Variants in RAG1 observed in about 807,000 individuals in gnomAD.
RAG1 encodes recombination activating 1.
A neutral mutation model predicts 62.7 loss-of-function variants in RAG1; 35 were observed. That is an observed-to-expected ratio of 0.56 (90% CI 0.43 to 0.74). The LOEUF is 0.74. RAG1 is among the 30% of genes least tolerant of loss of function. RAG1 has a pLI of 0.00. For synonymous variants in RAG1, 461 were observed against 470.3 expected, an observed-to-expected ratio of 0.98 and a Z score of 0.26; for missense variants, 1,169 against 1,278.6, an observed-to-expected ratio of 0.91 and a Z score of 1.31.
intron 1 of RAG1, among the ~76,000 whole-genome samples, chr11:36,571,927 C>A (rs1329574536): frequency 6.6e-6 from 1 of 152,052 alleles, no homozygotes; most frequent in African/African-American, 2.4e-5. Context: ...CCCCAAAACA[C>A]CAATTTCTGA....
upstream of RAG1, among the ~76,000 whole-genome samples, chr11:36,566,880 G>A (rs1186587681): frequency 2.6e-5 from 4 of 152,186 alleles, no homozygotes; most frequent in South Asian, 2.1e-4. Flanking sequence ...TAAGAGGAGC[G>A]TCGAATGAGG....
chr11:36,514,637 G>A (rs1380251962), intron 1 of RAG1, among the ~76,000 whole-genome samples: 1 of 152,220 alleles, frequency 6.6e-6, no homozygotes, highest in Non-Finnish European at 1.5e-5. Flanking sequence ...ATGAGAGACA[G>A]TGGCAGATCA....
chr11:36,550,456 T>C (rs951469835), intron 3 of RAG1, among the ~76,000 whole-genome samples: 3 of 152,040 alleles, frequency 2.0e-5, no homozygotes, highest in African/African-American at 7.2e-5. Flanking sequence ...CCTTATGAGG[T>C]GACCCCACAT....
chr11:36,570,824 T>G (rs569914484), intron 1 of RAG1, among the ~76,000 whole-genome samples: 1 of 152,356 alleles, frequency 6.6e-6, no homozygotes, highest in South Asian at 2.1e-4. Flanking sequence ...TGTCTTCCTT[T>G]GAGAAATGTC....
intron 2 of RAG1, among the ~76,000 whole-genome samples, chr11:36,527,352 A>G (rs1231900164): frequency 6.6e-6 from 1 of 152,146 alleles, no homozygotes; most frequent in Non-Finnish European, 1.5e-5. Context: ...TCCCTTCCCC[A>G]TTGCTTGTTT....
rs932876376 is a variant in RAG1, at chr11:36,579,649, T to C, written c.*3213T>C. ...CCATGTCAAATGTTTTCAAATAAAATGAAATATGAGTTTCAATACTTTTTA... is the reference window on the plus strand; with the variant it reads ...CCATGTCAAATGTTTTCAAATAAAACGAAATATGAGTTTCAATACTTTTTA... On this transcript the variant is annotated 3_prime_UTR_variant, in exon 2 of 2. Coordinates refer to ENST00000299440, the MANE Select transcript of RAG1 (RefSeq NM_000448.3). 1.2e-5 allele frequency: 2 copies of C among 166,828 alleles called. No homozygotes were observed. The highest frequency in any genetic ancestry group is 2.9e-5 in the Non-Finnish European group (2 of 68,042). The allele number at this position is 166,828 out of a possible 1,614,324, so 10.3% of individuals were successfully genotyped here.
At chr11:36,570,868 T>A (rs1057440636) in intron 1 of RAG1, among the ~76,000 whole-genome samples, 7 of 152,234 alleles carry the variant, frequency 4.6e-5, no homozygotes, top group Admixed American at 2.0e-4. Flanking sequence ...AAAATCGGAT[T>A]ATTAGATTGT....
At chr11:36,527,457 A>G (rs1206126221) in intron 2 of RAG1, among the ~76,000 whole-genome samples, 1 of 152,130 alleles carries the variant, frequency 6.6e-6, no homozygotes, top group Non-Finnish European at 1.5e-5. Flanking sequence ...CTGTTTTGGT[A>G]CCACTACCAT....
rs199474681 is a variant in RAG1 at position 36,574,981 on chromosome 11, G to C, written c.1677G>C (p.Arg559Ser). Residue 559 changes from arginine to serine, a missense_variant, in exon 2 of 2, where the codon AGG (arginine) becomes AGC (serine). Arg to Ser is a moderately radical substitution (Grantham distance 110, BLOSUM62 -1). Transcript: ENST00000299440. ...ACCCAGTGGACACCATTGCAAAGAG[G>C]TTCCGCTATGATTCAGCTTTGGTGT... Reference protein sequence around the residue: ...DDYPVDTIAKRFRYDSALVSA... With the variant: ...DDYPVDTIAKSFRYDSALVSA... 1.2e-6 allele frequency: 2 copies of C among 1,614,156 alleles called. No individual in the cohort carries two copies. Among genetic ancestry groups the C allele is most frequent in the Non-Finnish European group, 1.7e-6 (2 of 1,180,030 alleles).
chr11:36,517,293 G>A (rs1860009305), intron 1 of RAG1, among the ~76,000 whole-genome samples: 1 of 152,182 alleles, frequency 6.6e-6, no homozygotes, highest in South Asian at 2.1e-4. Flanking sequence ...GTTACAGTAT[G>A]AACCAAATTG....
chr11:36,574,407 G>A lies in RAG1; in HGVS notation c.1103G>A (p.Ser368Asn), dbSNP rs560640141. 1 of 1,614,210 alleles carries A rather than the reference G, an allele frequency of 6.2e-7. No individual in the cohort carries two copies. Among genetic ancestry groups the A allele is most frequent in the East Asian group, 2.2e-5 (1 of 44,886 alleles). The change falls in exon 2 of 2, where the codon AGT (serine) becomes AAT (asparagine). Residue 368 changes from serine to asparagine, a missense_variant. By Grantham distance (46) the Ser-to-Asn change is conservative. Around this residue, in one of 2 missense-constraint regions of RAG1, gnomAD observed 800 missense variants for 943.3 expected, o/e 0.85. Transcript: ENST00000299440. ...GCAAAAGAGTGCAATGAGGAGGTCAGTTTGGAAAAATATAATCACCACATC... is the reference window on the plus strand; with the variant it reads ...GCAAAAGAGTGCAATGAGGAGGTCAATTTGGAAAAATATAATCACCACATC... ...CPAKECNEEV[S>N]LEKYNHHISS...
downstream of RAG1, among the ~76,000 whole-genome samples, chr11:36,540,891 C>T (rs576941910): frequency 6.6e-6 from 1 of 152,274 alleles, no homozygotes; most frequent in East Asian, 1.9e-4. Flanking sequence ...TTTAAATCCT[C>T]AAATTGGACT....
upstream of RAG1, chr11:36,510,408 G>C (rs1188123067): frequency 6.6e-6 from 1 of 152,590 alleles, no homozygotes; most frequent in Non-Finnish European, 1.5e-5. Context: ...CCCGCAGCCT[G>C]GCTTTCTTCC....
chr11:36,516,916 A>C (rs1209289227), intron 1 of RAG1, among the ~76,000 whole-genome samples: 1 of 152,206 alleles, frequency 6.6e-6, no homozygotes, highest in Non-Finnish European at 1.5e-5. Flanking sequence ...ACGTATATTT[A>C]AGCTTTTGGT....
rs1221375169 is a variant in RAG1 at position 36,574,343 on chromosome 11, T to C, written c.1039T>C (p.Phe347Leu). The change falls in exon 2 of 2, where the codon TTT (phenylalanine) becomes CTT (leucine). Residue 347 changes from phenylalanine (F) to leucine (L), a missense_variant. By Grantham distance (22) the Phe-to-Leu change is conservative. Around this residue, in one of 2 missense-constraint regions of RAG1, gnomAD observed 800 missense variants for 943.3 expected, o/e 0.85. Transcript: ENST00000299440. ...PTDLESPVKS[F>L]LSVLNSLMVK... The stretch of plus-strand genomic sequence containing the variant: ...TGACCTGGAGAGTCCAGTGAAGTCC[T>C]TTCTGAGCGTCTTGAATTCCCTGAT... 6.2e-7 allele frequency: 1 copy of C among 1,614,242 alleles called. No homozygotes were observed. Among genetic ancestry groups the C allele is most frequent in the Non-Finnish European group, 8.5e-7 (1 of 1,180,036 alleles).
rs5030410 is a variant in RAG1 at position 36,512,261 on chromosome 11, C to A, written n.330+1223C>A. Among the ~76,000 whole-genome samples the A allele has an allele frequency of 5.9e-3, 906 of 152,274 alleles. 10 individuals are homozygous for A. Among genetic ancestry groups the A allele is most frequent in the African/African-American group, 0.021 (865 of 41,536 alleles). The stretch of plus-strand genomic sequence containing the variant: ...TTTTATTTTCATTGCAAGACTGTTT[C>A]CCCTGTGTGCAACCAAGGAGCAAAG... On this transcript the variant is annotated intron_variant and non_coding_transcript_variant, in intron 1 of 2. Transcript: ENST00000529126.
chr11:36,523,780 T>G (rs993092679), intron 2 of RAG1, among the ~76,000 whole-genome samples: 1 of 152,180 alleles, frequency 6.6e-6, no homozygotes, highest in African/African-American at 2.4e-5. Context: ...CATTGTAAAT[T>G]TACATGCAAT....
chr11:36,574,196 C>T lies in RAG1; in HGVS notation c.892C>T (p.His298Tyr), dbSNP rs1405598312. 3.7e-6 allele frequency: 6 copies of T among 1,614,200 alleles called. No individual in the cohort carries two copies. Among genetic ancestry groups the T allele is most frequent in the Non-Finnish European group, 4.2e-6 (5 of 1,180,030 alleles). Residue 298 changes from histidine (H) to tyrosine (Y), a missense_variant, in exon 2 of 2, where the codon CAC becomes TAC. By Grantham distance (83) the His-to-Tyr change is moderately conservative (BLOSUM62 2). Coordinates refer to ENST00000299440, the MANE Select transcript of RAG1 (RefSeq NM_000448.3). ...VKSISCQICE[H>Y]ILADPVETNC... Reference sequence around the variant, plus strand: ...ATCCATCTCCTGCCAGATCTGTGAACACATTCTGGCTGACCCTGTGGAGAC... The same window carrying T: ...ATCCATCTCCTGCCAGATCTGTGAATACATTCTGGCTGACCCTGTGGAGAC...
intron 2 of RAG1, among the ~76,000 whole-genome samples, chr11:36,535,603 G>T (rs1479292909): frequency 1.3e-5 from 2 of 152,110 alleles, no homozygotes; most frequent in African/African-American, 4.8e-5. Flanking sequence ...AATTAGCCAG[G>T]CATGGTGGCG....
Sources: allele counts gnomAD v4.1 joint callset (sites outside exome capture counted in the v4.1 genomes callset), GRCh38; gene constraint gnomAD v4.1.1; regional missense constraint gnomAD v4.1.1; transcripts MANE v1.5; gene names NCBI Gene and HGNC (gene_info 2026-07-23, HGNC 2026-07-21).